LRMDA: variants seen among roughly 807,000 people sequenced by gnomAD.
LRMDA encodes leucine-rich melanocyte differentiation-associated protein.
In LRMDA, 18 loss-of-function variants were observed where a neutral mutation model predicts 29.8. That is an observed-to-expected ratio of 0.60 (90% CI 0.42 to 0.90). The LOEUF (loss-of-function observed/expected upper bound fraction) is 0.90, where lower values mean the gene tolerates loss of function less well. Ranked by LOEUF, LRMDA falls within the 40% of genes least tolerant of loss-of-function variation. The pLI is 0.00. For synonymous variants in LRMDA, 125 were observed against 109.4 expected (o/e 1.14, Z -0.89); for missense variants, 273 against 273.9 (o/e 1.00, Z 0.02).
intron 2 of LRMDA, among the ~76,000 whole-genome samples, chr10:75,563,436 T>G (rs547110593): frequency 2.6e-5 from 4 of 152,178 alleles, no homozygotes; most frequent in African/African-American, 7.2e-5. Flanking sequence ...TTTGTCTAAA[T>G]TTTTTTCAAA....
intron 2 of LRMDA, among the ~76,000 whole-genome samples, chr10:75,836,175 G>C (rs551740228): frequency 1.3e-5 from 2 of 152,312 alleles, no homozygotes; most frequent in East Asian, 3.9e-4. Context: ...CCGAAGGTCC[G>C]TGTCTCCAGT....
chr10:76,317,547 C>T (rs1455274370), intron 5 of LRMDA, among the ~76,000 whole-genome samples: 1 of 152,178 alleles, frequency 6.6e-6, no homozygotes, highest in Non-Finnish European at 1.5e-5. Flanking sequence ...CAACTCCAAA[C>T]ATCCTTAATC....
intron 5 of LRMDA, among the ~76,000 whole-genome samples, chr10:76,303,577 A>G (rs1457292092): frequency 2.0e-5 from 3 of 152,012 alleles, no homozygotes; most frequent in African/African-American, 4.8e-5. Flanking sequence ...TTCTTCCACT[A>G]TCATTTAGTG....
At chr10:76,476,877 A>C (rs1842678905) in intron 6 of LRMDA, among the ~76,000 whole-genome samples, 1 of 152,156 alleles carries the variant, frequency 6.6e-6, no homozygotes, top group Non-Finnish European at 1.5e-5. Context: ...CTCTCAATAA[A>C]TTAGTTATTG....
chr10:76,348,115 C>T (rs766210605), intron 6 of LRMDA, among the ~76,000 whole-genome samples: 2 of 152,072 alleles, frequency 1.3e-5, no homozygotes, highest in Admixed American at 6.6e-5. Flanking sequence ...CATCATTAAC[C>T]AGGAATGCAA....
rs182546089 is a variant in LRMDA, at chr10:75,492,693, C to T, written c.131+54199C>T. On this transcript the variant is annotated intron_variant, in intron 2 of 6. Transcript: ENST00000611255. ...GTTAAAATTTGCTCTCCCCCTAATG[C>T]TTTTATTATTTTCTCTTCTGTTCCC... 1.5e-3 allele frequency among the ~76,000 whole-genome samples: 224 copies of T among 152,282 alleles called. 1 individual carries two copies. Among genetic ancestry groups the T allele is most frequent in the African/African-American group, 5.2e-3 (214 of 41,552 alleles).
intron 4 of LRMDA, among the ~76,000 whole-genome samples, chr10:76,050,200 A>G (rs1177157774): frequency 6.6e-6 from 1 of 152,236 alleles, no homozygotes; most frequent in Non-Finnish European, 1.5e-5. Flanking sequence ...CATTGTGGCC[A>G]ACCACTGGAC....
At chr10:75,665,412 A>G (rs918056216) in intron 2 of LRMDA, among the ~76,000 whole-genome samples, 2 of 152,184 alleles carry the variant, frequency 1.3e-5, no homozygotes, top group Admixed American at 6.5e-5. Flanking sequence ...GTCCTCATTC[A>G]TTATTGTTTG....
intron 2 of LRMDA, among the ~76,000 whole-genome samples, chr10:75,656,724 G>A (rs1376773409): frequency 3.9e-5 from 6 of 152,150 alleles, no homozygotes; most frequent in African/African-American, 1.4e-4. Context: ...TATCTCCTCT[G>A]TTAAGAGATT....
chr10:76,110,763 C>T (rs1849564268), intron 5 of LRMDA, among the ~76,000 whole-genome samples: 1 of 152,174 alleles, frequency 6.6e-6, no homozygotes, highest in South Asian at 2.1e-4. Flanking sequence ...CTGAGGCCTC[C>T]CCAGCCATGT....
chr10:76,501,387 C>A (rs12778221), intron 6 of LRMDA, among the ~76,000 whole-genome samples: 16,169 of 151,824 alleles, frequency 0.11, 950 homozygotes, highest in Middle Eastern at 0.17. Flanking sequence ...TGGGTGTATA[C>A]CCAGTAATTG....
intron 2 of LRMDA, among the ~76,000 whole-genome samples, chr10:75,766,978 C>CT (rs1208969997): frequency 2.0e-5 from 3 of 152,086 alleles, no homozygotes; most frequent in Non-Finnish European, 2.9e-5. Context: ...TTAATTCATC[C>CT]TTTTTTATGG....
intron 6 of LRMDA, among the ~76,000 whole-genome samples, chr10:76,443,711 G>C (rs1842326883): frequency 6.6e-6 from 1 of 152,250 alleles, no homozygotes; most frequent in South Asian, 2.1e-4. Flanking sequence ...ATCACCACCA[G>C]CTATATAGAT....
intron 2 of LRMDA, among the ~76,000 whole-genome samples, chr10:75,484,034 C>A (rs1172598348): frequency 2.0e-5 from 3 of 152,248 alleles, no homozygotes; most frequent in African/African-American, 7.2e-5. Flanking sequence ...TGGCTCGCTG[C>A]AACCTCTGCT....
chr10:75,698,361 G>A (rs1842264909), intron 2 of LRMDA, among the ~76,000 whole-genome samples: 1 of 152,186 alleles, frequency 6.6e-6, no homozygotes, highest in African/African-American at 2.4e-5. Flanking sequence ...TTACCTCAGA[G>A]GCCATAGTCC....
intron 2 of LRMDA, among the ~76,000 whole-genome samples, chr10:75,462,743 C>T (rs1200106372): frequency 1.3e-5 from 2 of 152,122 alleles, no homozygotes; most frequent in Admixed American, 6.5e-5. Flanking sequence ...GAACATCTAC[C>T]TTTGCAAGAT....
At chr10:75,821,565 T>G (rs1411443344) in intron 2 of LRMDA, among the ~76,000 whole-genome samples, 1 of 151,976 alleles carries the variant, frequency 6.6e-6, no homozygotes, top group Non-Finnish European at 1.5e-5. Flanking sequence ...GTCAGGAGAT[T>G]GAGACCATCC....
intron 6 of LRMDA, among the ~76,000 whole-genome samples, chr10:76,374,757 T>G (rs1841495463): frequency 6.6e-6 from 1 of 152,196 alleles, no homozygotes; most frequent in African/African-American, 2.4e-5. Context: ...TAACATGTGC[T>G]GGCCCTCTAT....
chr10:76,548,471 A>G (rs991617305), intron 6 of LRMDA, among the ~76,000 whole-genome samples: 5 of 151,538 alleles, frequency 3.3e-5, no homozygotes, highest in Admixed American at 3.3e-4. Context: ...AAAAAAATGT[A>G]ACCTGAGGCT....
Sources: gnomAD v4.1 joint callset for allele counts (sites outside exome capture counted in the v4.1 genomes callset) on GRCh38, gnomAD v4.1.1 for gene constraint, MANE v1.5 for transcripts, NCBI Gene and HGNC (gene_info 2026-07-23, HGNC 2026-07-21) for gene names.